Variants in CACUL1 observed in about 807,000 individuals in gnomAD.
The protein encoded by CACUL1 is CDK2-associated and cullin domain-containing protein 1.
In CACUL1, 13 loss-of-function variants were observed where a neutral mutation model predicts 45.2. The observed-to-expected ratio is 0.29, with a 90% CI of 0.19 to 0.46. CACUL1 has a LOEUF of 0.46. CACUL1 is among the 20% of genes least tolerant of loss of function. The pLI is 1.00. For synonymous variants in CACUL1, 197 were observed against 174.2 expected, an observed-to-expected ratio of 1.13 and a Z score of -1.03; for missense variants, 421 against 471.4, an observed-to-expected ratio of 0.89 and a Z score of 0.99.
chr10:118,695,321 TAAAC>T lies in CACUL1; in HGVS notation c.797-95_797-92del. ...GTTTCTCCCAAAGACTCCTGAAACA[TAAAC>T]AATTGTAAGAAAGGAACAGTCCAAT... is the stretch of plus-strand genomic sequence containing the variant. On this transcript the variant is annotated intron_variant, in intron 5 of 8. Coordinates refer to ENST00000369151, the MANE Select transcript of CACUL1 (RefSeq NM_153810.5). 4.0e-6 allele frequency: 3 copies of T among 744,812 alleles called. 1 individual carries two copies. In the South Asian group the frequency reaches 4.3e-5, roughly 11 times the overall value. 46.1% of individuals were successfully genotyped at this position (744,812 alleles called of 1,614,324 possible).
chr10:118,753,045 T>C (rs1422775916), intron 1 of CACUL1, among the ~76,000 whole-genome samples: 1 of 152,226 alleles, frequency 6.6e-6, no homozygotes, highest in East Asian at 1.9e-4. Flanking sequence ...TTTTACTGAT[T>C]TCTGTTCCTA....
chr10:118,745,219 A>G (rs964019228), intron 1 of CACUL1, among the ~76,000 whole-genome samples: 2 of 152,176 alleles, frequency 1.3e-5, no homozygotes, highest in African/African-American at 4.8e-5. Context: ...CATGCTAATA[A>G]GCCAAACTGG....
intron 1 of CACUL1, among the ~76,000 whole-genome samples, chr10:118,734,735 T>C (rs368996746): frequency 2.1e-4 from 32 of 152,348 alleles, no homozygotes; most frequent in African/African-American, 6.0e-4. Context: ...AAAAACATCA[T>C]GCCGCAAGGC....
At chr10:118,750,386 C>A (rs559078233) in intron 1 of CACUL1, among the ~76,000 whole-genome samples, 1 of 151,868 alleles carries the variant, frequency 6.6e-6, no homozygotes, top group Non-Finnish European at 1.5e-5. Flanking sequence ...TTGGCCAGAG[C>A]AAAAGAGATG....
chr10:118,730,605 T>C (rs1237752819), intron 1 of CACUL1, among the ~76,000 whole-genome samples, 195 bp from the exon 2 acceptor site: 3 of 152,164 alleles, frequency 2.0e-5, no homozygotes, highest in South Asian at 2.1e-4. Flanking sequence ...CCATTAATCA[T>C]GGATTTAAGA....
chr10:118,713,172 G>A (rs575776825), intron 3 of CACUL1, among the ~76,000 whole-genome samples: 64 of 152,374 alleles, frequency 4.2e-4, no homozygotes, highest in South Asian at 2.9e-3. Context: ...CCCTCAGCGT[G>A]TGCACAGCTG....
chr10:118,725,018 T>C (rs1191264091), intron 3 of CACUL1, among the ~76,000 whole-genome samples: 1 of 152,196 alleles, frequency 6.6e-6, no homozygotes, highest in Non-Finnish European at 1.5e-5. Context: ...TCCAAAACTA[T>C]TCAGAATATT....
At chr10:118,703,167 G>C (rs1011124573) in intron 4 of CACUL1, among the ~76,000 whole-genome samples, 1 of 152,032 alleles carries the variant, frequency 6.6e-6, no homozygotes, top group African/African-American at 2.4e-5. Context: ...AAAACAGAAA[G>C]CATGCAAAAG....
chr10:118,736,576 C>CA (rs113159312), intron 1 of CACUL1, among the ~76,000 whole-genome samples: 22,167 of 151,952 alleles, frequency 0.15, 1,979 homozygotes, highest in African/African-American at 0.25. Context: ...CTCCTGGGCT[C>CA]AAGTGATCTG....
At chr10:118,728,096 C>T (rs1845667789) in intron 3 of CACUL1, among the ~76,000 whole-genome samples, 1 of 151,820 alleles carries the variant, frequency 6.6e-6, no homozygotes, top group African/African-American at 2.4e-5. Flanking sequence ...AAACACAGCT[C>T]TATCATTTGA....
intron 3 of CACUL1, among the ~76,000 whole-genome samples, chr10:118,726,608 A>T (rs140404531): frequency 5.3e-5 from 8 of 152,346 alleles, no homozygotes; most frequent in African/African-American, 1.9e-4. Context: ...AAGGCTTTAC[A>T]CAGATGGACA....
rs570225558 is a variant in CACUL1 at position 118,679,900 on chromosome 10, C to T, written c.*6228G>A. The T allele has an allele frequency of 6.6e-6, 1 of 152,240 alleles. No individual in the cohort carries two copies. Among genetic ancestry groups the T allele is most frequent in the South Asian group, 2.1e-4 (1 of 4,820 alleles). The allele number at this position is 152,240 out of a possible 1,614,324, so 9.4% of individuals were successfully genotyped here. On this transcript the variant is annotated 3_prime_UTR_variant, in exon 9 of 9. Coordinates refer to ENST00000369151, the MANE Select transcript of CACUL1 (RefSeq NM_153810.5). ...AAATCCTGGCTTCAAGCAATCTTCC[C>T]ACCTCAGCCTCTCAGTGTTGGGATT...
chr10:118,690,307 C>A (rs375981569), intron 7 of CACUL1, among the ~76,000 whole-genome samples: 51 of 88,470 alleles, frequency 5.8e-4, no homozygotes, highest in South Asian at 9.4e-4. Context: ...GACTCCGTCT[C>A]AAAAAAAAAA....
At chr10:118,695,043 G>A in intron 6 of CACUL1, 98 bp downstream of exon 6, 1 of 735,886 alleles carries the variant, frequency 1.4e-6, no homozygotes, top group Non-Finnish European at 2.4e-6. Context: ...GCAAATCCAA[G>A]TACCATTAAG....
rs1007635464 is a variant in CACUL1 at position 118,684,401 on chromosome 10, G to C, written c.*1727C>G. Reference sequence around the variant, plus strand: ...ATGAATGGAATTCTCCTTGATACTAGAATGTTACCAGTGTAGCAACTTAAA... The same window carrying C: ...ATGAATGGAATTCTCCTTGATACTACAATGTTACCAGTGTAGCAACTTAAA... On this transcript the variant is annotated 3_prime_UTR_variant, in exon 9 of 9. Transcript: ENST00000369151. 6.6e-6 allele frequency: 1 copy of C among 152,174 alleles called. No individual in the cohort carries two copies. Among genetic ancestry groups the C allele is most frequent in the African/African-American group, 2.4e-5 (1 of 41,432 alleles). The allele number at this position is 152,174 out of a possible 1,614,324, so 9.4% of individuals were successfully genotyped here.
chr10:118,714,518 T>C (rs1174497840), intron 3 of CACUL1, among the ~76,000 whole-genome samples: 4 of 152,378 alleles, frequency 2.6e-5, no homozygotes, highest in South Asian at 2.1e-4. Context: ...CAACAAATAC[T>C]GTCAGTCATT....
intron 1 of CACUL1, among the ~76,000 whole-genome samples, chr10:118,734,981 T>C (rs1439845863): frequency 2.0e-5 from 3 of 152,242 alleles, no homozygotes; most frequent in Non-Finnish European, 4.4e-5. Context: ...ACTTTTTTAA[T>C]CCAAATAACT....
rs1034622450 is a variant in CACUL1 at position 118,683,700 on chromosome 10, C to T, written c.*2428G>A. The T allele has an allele frequency of 4.6e-5, 7 of 151,886 alleles. No homozygotes were observed. Among genetic ancestry groups the T allele is most frequent in the African/African-American group, 1.5e-4 (6 of 41,324 alleles). 9.4% of individuals were successfully genotyped at this position (151,886 alleles called of 1,614,324 possible). A position where few individuals can be genotyped will look rare whatever the true frequency, so the allele number is the denominator to read the frequency against. Reference sequence around the variant, plus strand: ...AGAGAGTGAGACTCCATCTCAAAAACAAAATATAAGAAAACAGAAGAAAAC... The same window carrying T: ...AGAGAGTGAGACTCCATCTCAAAAATAAAATATAAGAAAACAGAAGAAAAC... On this transcript the variant is annotated 3_prime_UTR_variant, in exon 9 of 9. Coordinates refer to ENST00000369151, the MANE Select transcript of CACUL1 (RefSeq NM_153810.5).
rs192888728 is a variant in CACUL1, at chr10:118,735,429, T to C, written c.368-5019A>G. 2.6e-5 allele frequency among the ~76,000 whole-genome samples: 4 copies of C among 152,356 alleles called. No homozygotes were observed. In the East Asian group the frequency reaches 7.7e-4, roughly 29 times the overall value. ...AGCAGCAGCAGCATCACCTGGAAAC[T>C]TGTTGCAAATGCAAACTGTCAGGCC... On this transcript the variant is annotated intron_variant, in intron 1 of 8. Transcript: ENST00000369151.
Sources: allele counts gnomAD v4.1 joint callset (sites outside exome capture counted in the v4.1 genomes callset), GRCh38; gene constraint gnomAD v4.1.1; transcripts MANE v1.5; gene names NCBI Gene and HGNC (gene_info 2026-07-23, HGNC 2026-07-21).